Variants in DOCK10 observed in about 807,000 individuals in gnomAD.
The protein encoded by DOCK10 is dedicator of cytokinesis protein 10.
In DOCK10, 145 loss-of-function variants were observed where a neutral mutation model predicts 280.1. That is an observed-to-expected ratio of 0.52 (90% confidence interval 0.45 to 0.59). The LOEUF is 0.59. Ranked by LOEUF, DOCK10 falls within the 20% of genes least tolerant of loss-of-function variation. The probability of loss-of-function intolerance (pLI) is 0.00; values close to 1 mark genes in which losing one functional copy is unlikely to be tolerated. For synonymous variants in DOCK10, 915 were observed against 942.2 expected, an observed-to-expected ratio of 0.97 and a Z score of 0.53; for missense variants, 2,368 against 2,651.7, an observed-to-expected ratio of 0.89 and a Z score of 2.35.
At chr2:225,029,543 GCA>G (rs1187237726) in intron 1 of DOCK10, among the ~76,000 whole-genome samples, 1 of 152,164 alleles carries the variant, frequency 6.6e-6, no homozygotes, top group Non-Finnish European at 1.5e-5. Flanking sequence ...AAGAAATGTA[GCA>G]CAGTTTTTCT....
chr2:224,881,740 T>A (rs993611819), intron 7 of DOCK10, among the ~76,000 whole-genome samples: 1 of 152,234 alleles, frequency 6.6e-6, no homozygotes, highest in Non-Finnish European at 1.5e-5. Context: ...GTTCTTATTG[T>A]TCTCGGAAGT....
At chr2:224,878,048 G>C (rs1265144123) in intron 7 of DOCK10, among the ~76,000 whole-genome samples, 1 of 152,184 alleles carries the variant, frequency 6.6e-6, no homozygotes, top group Non-Finnish European at 1.5e-5. Context: ...GAGATCAATA[G>C]TGTGGGATTG....
intron 1 of DOCK10, among the ~76,000 whole-genome samples, chr2:225,006,691 T>C (rs940399495): frequency 2.0e-5 from 3 of 152,228 alleles, no homozygotes; most frequent in Non-Finnish European, 4.4e-5. Flanking sequence ...TTTCAATCTA[T>C]GTTTGGAGAA....
At chr2:224,796,044 A>G (rs1342268034) in intron 44 of DOCK10, among the ~76,000 whole-genome samples, 1 of 151,252 alleles carries the variant, frequency 6.6e-6, no homozygotes, top group Non-Finnish European at 1.5e-5. Context: ...AACAAAATAA[A>G]CAATTATTAT....
rs769134551 is a variant in DOCK10 at position 224,970,717 on chromosome 2, C to G, written c.124-39049G>C. Among the ~76,000 whole-genome samples the G allele has an allele frequency of 2.6e-4, 40 of 152,180 alleles. No individual in the cohort carries two copies. The highest frequency in any genetic ancestry group is 1.4e-3 in the Admixed American group (21 of 15,278). On this transcript the variant is annotated intron_variant, in intron 1 of 55. Coordinates refer to ENST00000258390, the MANE Select transcript of DOCK10 (RefSeq NM_014689.3). The surrounding 1 kb of genome is among the most constrained non-coding windows in gnomAD (Gnocchi z 4.6). ...TTTACTCTACAGATTAACTTGAACTCATTATCTCTGTATTTAATCCTTAAA... is the reference window on the plus strand; with the variant it reads ...TTTACTCTACAGATTAACTTGAACTGATTATCTCTGTATTTAATCCTTAAA...
intron 1 of DOCK10, among the ~76,000 whole-genome samples, chr2:224,973,543 G>A (rs1332184844): frequency 1.3e-5 from 2 of 152,028 alleles, no homozygotes; most frequent in Non-Finnish European, 2.9e-5. Flanking sequence ...AAAAGGCAAG[G>A]AAACAGATTC....
intron 25 of DOCK10, among the ~76,000 whole-genome samples, chr2:224,837,149 G>A (rs552293528): frequency 1.6e-4 from 24 of 152,262 alleles, no homozygotes; most frequent in African/African-American, 5.8e-4. Flanking sequence ...CTATGAAAGT[G>A]CAAACATCAT....
chr2:224,822,206 A>G (rs1026853431), intron 28 of DOCK10, among the ~76,000 whole-genome samples: 2 of 152,230 alleles, frequency 1.3e-5, no homozygotes. Context: ...AGAAGGAGGC[A>G]CAGAAAACTA....
chr2:224,851,596 A>G (rs10210350), intron 18 of DOCK10, among the ~76,000 whole-genome samples: 26,078 of 151,906 alleles, frequency 0.17, 3,301 homozygotes, highest in African/African-American at 0.36. Flanking sequence ...GAGTGCTTTA[A>G]GAGACTACCA....
At chr2:224,771,426 G>A (rs192735800) in intron 53 of DOCK10, among the ~76,000 whole-genome samples, 16 of 152,342 alleles carry the variant, frequency 1.1e-4, no homozygotes, top group Non-Finnish European at 2.2e-4. Context: ...TGTGGGCACT[G>A]CCCTAGAATC....
chr2:225,041,326 G>A (rs115494837), intron 1 of DOCK10, among the ~76,000 whole-genome samples: 168 of 152,314 alleles, frequency 1.1e-3, no homozygotes, highest in African/African-American at 3.8e-3. Flanking sequence ...CAAGAGCGCG[G>A]CTGCTGAGCC....
At chr2:224,835,907 T>C (rs1270603202) in intron 25 of DOCK10, among the ~76,000 whole-genome samples, 2 of 151,974 alleles carry the variant, frequency 1.3e-5, no homozygotes, top group African/African-American at 4.8e-5. Flanking sequence ...GATGGTCTTG[T>C]TGGGTATTTC....
At chr2:224,942,169 T>C (rs892994112) in intron 1 of DOCK10, among the ~76,000 whole-genome samples, 2 of 152,174 alleles carry the variant, frequency 1.3e-5, no homozygotes, top group African/African-American at 2.4e-5. Context: ...GGAAGACCAT[T>C]CTTAGTTAAA....
At chr2:224,894,126 G>T (rs1381329959) in intron 4 of DOCK10, among the ~76,000 whole-genome samples, 1 of 152,088 alleles carries the variant, frequency 6.6e-6, no homozygotes, top group Non-Finnish European at 1.5e-5. Context: ...TTTAGTTAAA[G>T]TAAGGGAAAT....
chr2:224,973,453 G>T lies in DOCK10; in HGVS notation c.124-41785C>A, dbSNP rs74569194. 2.6e-3 allele frequency among the ~76,000 whole-genome samples: 401 copies of T among 152,058 alleles called. 1 individual carries two copies. The highest frequency in any genetic ancestry group is 9.3e-3 in the African/African-American group (384 of 41,468). On this transcript the variant is annotated intron_variant, in intron 1 of 55. Coordinates refer to ENST00000258390, the MANE Select transcript of DOCK10 (RefSeq NM_014689.3). ...AGTCAGAGATCAGAGTCGGAGAGTC[G>T]CTGGAAGACACTATGCTTCTGGCTT... is the stretch of plus-strand genomic sequence containing the variant.
At chr2:224,908,198 G>GTGTGTGTC (rs1022430290) in intron 3 of DOCK10, among the ~76,000 whole-genome samples, 1 of 151,648 alleles carries the variant, frequency 6.6e-6, no homozygotes, top group African/African-American at 2.4e-5. Flanking sequence ...GTGTGTGTGT[G>GTGTGTGTC]TGTGTATTTT....
intron 1 of DOCK10, among the ~76,000 whole-genome samples, chr2:224,971,496 G>A (rs1207555051): frequency 2.6e-5 from 4 of 152,108 alleles, no homozygotes; most frequent in Admixed American, 2.6e-4. Context: ...ATTTGCCTAG[G>A]GCCACACCGG....
chr2:224,816,703 T>C lies in DOCK10; in HGVS notation c.3278A>G (p.Gln1093Arg). 2.5e-6 allele frequency: 4 copies of C among 1,592,566 alleles called. No individual in the cohort carries two copies. The highest frequency in any genetic ancestry group is 2.6e-6 in the Non-Finnish European group (3 of 1,164,836). ...FSSGDLKTLC[Q>R]YKFDFLQEVC... Reference sequence around the variant, plus strand: ...TTCTTGAAGAAAATCAAATTTATACTGGCACAAGGTCTGAAAGAGAGGCAA... The same window carrying C: ...TTCTTGAAGAAAATCAAATTTATACCGGCACAAGGTCTGAAAGAGAGGCAA... The change falls in exon 30 of 56, where the codon CAG becomes CGG. Residue 1093 changes from glutamine (Q) to arginine (R), a missense_variant. Gln to Arg is a conservative substitution (Grantham distance 43). Around this residue, in one of 2 missense-constraint regions of DOCK10, gnomAD observed 1,159 missense variants for 1,400.8 expected, o/e 0.83. Transcript: ENST00000258390.
chr2:224,829,914 A>G (rs544454873), intron 27 of DOCK10, among the ~76,000 whole-genome samples: 1 of 152,318 alleles, frequency 6.6e-6, no homozygotes, highest in Admixed American at 6.5e-5. Context: ...AACTGCAGGG[A>G]AGCAGATTCA....
Sources: allele counts gnomAD v4.1 joint callset (sites outside exome capture counted in the v4.1 genomes callset), GRCh38; gene constraint gnomAD v4.1.1; regional missense constraint gnomAD v4.1.1; non-coding constraint Gnocchi (gnomAD v3.1); transcripts MANE v1.5; gene names NCBI Gene and HGNC (gene_info 2026-07-23, HGNC 2026-07-21).